KCNIP1: variants seen among roughly 807,000 people sequenced by gnomAD.
The protein encoded by KCNIP1 is potassium voltage-gated channel interacting protein 1.
A neutral mutation model predicts 33.0 loss-of-function variants in KCNIP1; 18 were observed. The ratio of observed to expected loss-of-function variants is 0.55; its 90% confidence interval spans 0.38 to 0.81. The LOEUF (loss-of-function observed/expected upper bound fraction) is 0.81. Ranked by LOEUF, KCNIP1 falls within the 30% of genes least tolerant of loss-of-function variation. The pLI is 0.00. For missense variants in KCNIP1, 238 were observed against 271.6 expected, an observed-to-expected ratio of 0.88 and a Z score of 0.87; for synonymous variants, 93 against 98.3, an observed-to-expected ratio of 0.95 and a Z score of 0.32.
At chr5:170,487,316 A>G (rs1389443831) in intron 1 of KCNIP1, among the ~76,000 whole-genome samples, 1 of 152,120 alleles carries the variant, frequency 6.6e-6, no homozygotes, top group East Asian at 1.9e-4. Flanking sequence ...TTTAAATGTT[A>G]ATTTCTTTGA....
At chr5:170,581,163 C>G (rs1260634765) in intron 1 of KCNIP1, among the ~76,000 whole-genome samples, 1 of 152,176 alleles carries the variant, frequency 6.6e-6, no homozygotes, top group Non-Finnish European at 1.5e-5. Flanking sequence ...CGTCCAACCC[C>G]CATCAGGTGA....
chr5:170,524,007 C>G (rs141700283), intron 1 of KCNIP1, among the ~76,000 whole-genome samples: 8 of 152,238 alleles, frequency 5.3e-5, no homozygotes, highest in South Asian at 2.1e-4. Flanking sequence ...CACCACCCCC[C>G]AGTCCTCCGG....
rs564686987 is a variant in KCNIP1, at chr5:170,665,553, C to T, written c.62-53205C>T. Among the ~76,000 whole-genome samples the T allele has an allele frequency of 2.4e-4, 37 of 152,338 alleles. No homozygotes were observed. The Middle Eastern group carries it at 0.01, about 42-fold the overall frequency. On this transcript the variant is annotated intron_variant, in intron 1 of 7. Transcript: ENST00000328939. ...TAAGAGAGTTCCCATATCCTGCACA[C>T]CTGGTGAGCCCCATTGGTAACAGCT...
intron 1 of KCNIP1, among the ~76,000 whole-genome samples, chr5:170,638,344 C>T (rs1181201475): frequency 1.3e-5 from 2 of 152,134 alleles, no homozygotes; most frequent in Admixed American, 6.5e-5. Context: ...CTGCCTGCAT[C>T]GTAGCTCATG....
upstream of KCNIP1, among the ~76,000 whole-genome samples, chr5:170,499,898 G>T (rs955640874): frequency 1.3e-5 from 2 of 152,144 alleles, no homozygotes; most frequent in African/African-American, 4.8e-5. Context: ...CTATATAGAG[G>T]CTTATGGCAG....
intron 1 of KCNIP1, among the ~76,000 whole-genome samples, chr5:170,400,188 C>A (rs1297022067): frequency 6.6e-6 from 1 of 152,034 alleles, no homozygotes; most frequent in African/African-American, 2.4e-5. Context: ...TTGCATTAGT[C>A]CGTTTTCACA....
chr5:170,733,721 A>C (rs1019281947), intron 6 of KCNIP1, 115 bp from the exon 7 acceptor site: 4 of 827,246 alleles, frequency 4.8e-6, no homozygotes, highest in Non-Finnish European at 7.8e-6. Context: ...TGGTTAATGA[A>C]ATGAATGAAA....
At chr5:170,385,989 G>A (rs1764453469) in intron 1 of KCNIP1, among the ~76,000 whole-genome samples, 1 of 151,838 alleles carries the variant, frequency 6.6e-6, no homozygotes, top group Non-Finnish European at 1.5e-5. Context: ...AGCCGGGTGT[G>A]GTCGTGGGAG....
intron 1 of KCNIP1, among the ~76,000 whole-genome samples, chr5:170,407,713 C>T (rs529621097): frequency 6.6e-6 from 1 of 152,324 alleles, no homozygotes; most frequent in African/African-American, 2.4e-5. Flanking sequence ...AACCACCCAA[C>T]ACGCTTCCTG....
intron 1 of KCNIP1, chr5:170,561,166 G>C (rs557516880): frequency 9.2e-5 from 42 of 454,586 alleles, no homozygotes; most frequent in African/African-American, 7.8e-4. Context: ...TTCGAGGGCT[G>C]AGATGAAACA....
At chr5:170,694,438 AC>A (rs1762825032) in intron 1 of KCNIP1, among the ~76,000 whole-genome samples, 1 of 151,790 alleles carries the variant, frequency 6.6e-6, no homozygotes, top group East Asian at 1.9e-4. Context: ...AAGCATCAGG[AC>A]CCCCTTCTGT....
chr5:170,390,985 T>C (rs929876778), intron 1 of KCNIP1, among the ~76,000 whole-genome samples: 1 of 152,050 alleles, frequency 6.6e-6, no homozygotes, highest in Non-Finnish European at 1.5e-5. Flanking sequence ...TGAGTGCCCT[T>C]CTCCACCCCT....
chr5:170,505,301 C>G (rs530733000), intron 1 of KCNIP1, among the ~76,000 whole-genome samples: 1 of 152,148 alleles, frequency 6.6e-6, no homozygotes, highest in Non-Finnish European at 1.5e-5. Flanking sequence ...TGTCCCCAGC[C>G]GAGGCATGGC....
At chr5:170,718,629 G>A (rs1763710376) in intron 1 of KCNIP1, 129 bp from the exon 2 acceptor site, 2 of 1,023,838 alleles carry the variant, frequency 2.0e-6, no homozygotes, top group African/African-American at 1.6e-5. Flanking sequence ...GAAGGCCATT[G>A]GCAGTGTGAC....
chr5:170,723,127 A>G (rs941776592), intron 5 of KCNIP1, among the ~76,000 whole-genome samples: 1 of 152,208 alleles, frequency 6.6e-6, no homozygotes, highest in Admixed American at 6.5e-5. Context: ...GGGAACCTGC[A>G]TTTGGGAAGG....
At chr5:170,532,022 C>T (rs1755806898) in intron 1 of KCNIP1, among the ~76,000 whole-genome samples, 1 of 152,348 alleles carries the variant, frequency 6.6e-6, no homozygotes, top group South Asian at 2.1e-4. Context: ...CCTGGAATAC[C>T]CTCTTATCCA....
intron 1 of KCNIP1, among the ~76,000 whole-genome samples, chr5:170,468,594 C>G (rs928158485): frequency 1.3e-5 from 2 of 152,030 alleles, no homozygotes; most frequent in Non-Finnish European, 2.9e-5. Context: ...TAAAAAATAT[C>G]ATTAGGCCAG....
chr5:170,381,745 G>A (rs1764249162), intron 1 of KCNIP1, among the ~76,000 whole-genome samples: 1 of 152,226 alleles, frequency 6.6e-6, no homozygotes, highest in Admixed American at 6.5e-5. Flanking sequence ...GGACCAGGGA[G>A]GCAGCCTGAA....
intron 1 of KCNIP1, among the ~76,000 whole-genome samples, chr5:170,534,868 G>A (rs1038473238): frequency 6.6e-6 from 1 of 151,374 alleles, no homozygotes; most frequent in Non-Finnish European, 1.5e-5. Flanking sequence ...AGACAAGACT[G>A]ACTGCCTGGC....
Sources: allele counts gnomAD v4.1 joint callset (sites outside exome capture counted in the v4.1 genomes callset), GRCh38; gene constraint gnomAD v4.1.1; transcripts MANE v1.5; gene names NCBI Gene and HGNC (gene_info 2026-07-23, HGNC 2026-07-21).